Variants in CDKAL1 observed in about 807,000 individuals in gnomAD.
CDKAL1 encodes threonylcarbamoyladenosine tRNA methylthiotransferase.
Under a neutral mutation model 68.2 loss-of-function variants are expected in CDKAL1, and 32 were observed. The observed-to-expected ratio is 0.47, with a 90% confidence interval of 0.35 to 0.63. The LOEUF is 0.63. Ranked by LOEUF, CDKAL1 falls within the 30% of genes least tolerant of loss-of-function variation. The probability of loss-of-function intolerance (pLI) is 0.00; values close to 1 mark genes in which losing one functional copy is unlikely to be tolerated. For missense variants in CDKAL1, 606 were observed against 696.7 expected, an observed-to-expected ratio of 0.87 and a Z score of 1.47; for synonymous variants, 234 against 244.3, an observed-to-expected ratio of 0.96 and a Z score of 0.39.
At chr6:21,001,763 C>CT (rs1767438564) in intron 11 of CDKAL1, among the ~76,000 whole-genome samples, 1 of 152,146 alleles carries the variant, frequency 6.6e-6, no homozygotes, top group South Asian at 2.1e-4. Context: ...TAAAAGAGTT[C>CT]TTTTGGGCAC....
intron 3 of CDKAL1, among the ~76,000 whole-genome samples, chr6:20,547,828 T>A (rs1763663804): frequency 6.6e-6 from 1 of 152,176 alleles, no homozygotes; most frequent in East Asian, 1.9e-4. Context: ...TGCTTTAGGA[T>A]GACGGTTTTT....
intron 15 of CDKAL1, among the ~76,000 whole-genome samples, chr6:21,221,971 A>G (rs924234321): frequency 1.3e-5 from 2 of 152,186 alleles, no homozygotes; most frequent in Admixed American, 1.3e-4. Context: ...CAGGTTGGGC[A>G]TTCTGAAAGA....
At chr6:20,614,235 A>G (rs1766781996) in intron 4 of CDKAL1, among the ~76,000 whole-genome samples, 1 of 152,138 alleles carries the variant, frequency 6.6e-6, no homozygotes, top group Non-Finnish European at 1.5e-5. Flanking sequence ...TGCTCTTGCC[A>G]TGAAGAAAAT....
chr6:20,984,084 C>A (rs892861534), intron 10 of CDKAL1, among the ~76,000 whole-genome samples: 1 of 152,164 alleles, frequency 6.6e-6, no homozygotes, highest in Admixed American at 6.5e-5. Flanking sequence ...ACGTTTTTTT[C>A]TGAAGTCTAA....
chr6:20,862,957 C>G (rs1196156439), intron 9 of CDKAL1, among the ~76,000 whole-genome samples: 1 of 152,132 alleles, frequency 6.6e-6, no homozygotes, highest in Non-Finnish European at 1.5e-5. Context: ...AACCCGGAGG[C>G]AGAGGTTGCA....
chr6:20,582,844 G>T (rs940659851), intron 4 of CDKAL1, among the ~76,000 whole-genome samples: 1 of 152,060 alleles, frequency 6.6e-6, no homozygotes, highest in Non-Finnish European at 1.5e-5. Flanking sequence ...AAATCTCATC[G>T]CAGCTTTTAC....
chr6:20,562,421 A>C (rs1232045115), intron 4 of CDKAL1, among the ~76,000 whole-genome samples: 3 of 152,098 alleles, frequency 2.0e-5, no homozygotes, highest in Non-Finnish European at 4.4e-5. Flanking sequence ...AAGATGAAAA[A>C]AGGAGAGCCT....
At chr6:20,832,473 A>T (rs1477811573) in intron 8 of CDKAL1, among the ~76,000 whole-genome samples, 9 of 140,556 alleles carry the variant, frequency 6.4e-5, no homozygotes, top group African/African-American at 1.6e-4. Context: ...GTCTCTAATT[A>T]AAAAAAAAAA....
chr6:21,069,991 C>A (rs1022168141), intron 12 of CDKAL1, among the ~76,000 whole-genome samples: 1 of 151,690 alleles, frequency 6.6e-6, no homozygotes, highest in Non-Finnish European at 1.5e-5. Context: ...GAGGTTTCAC[C>A]GTGTTAACCA....
chr6:20,693,765 G>A lies in CDKAL1; in HGVS notation c.371+44388G>A, dbSNP rs113353330. On this transcript the variant is annotated intron_variant, in intron 5 of 15. Coordinates refer to ENST00000274695, the MANE Select transcript of CDKAL1 (RefSeq NM_017774.3). ...AATACTAAAAGCTTTCATAAGACCT[G>A]GTTAAACTTGACCTTGAGATTGCTT... Among the ~76,000 whole-genome samples the A allele has an allele frequency of 5.7e-3, 873 of 152,154 alleles. 7 individuals are homozygous for A. Among genetic ancestry groups the A allele is most frequent in the Non-Finnish European group, 9.1e-3 (617 of 68,002 alleles).
chr6:21,073,658 T>G (rs1771914091), intron 12 of CDKAL1, among the ~76,000 whole-genome samples: 1 of 152,206 alleles, frequency 6.6e-6, no homozygotes, highest in Admixed American at 6.5e-5. Context: ...TTTGGTGAGG[T>G]GTCTGTTCAG....
At position 21,108,379 on chromosome 6, in the gene CDKAL1, TTTTTTTTG is replaced by T; in HGVS notation, c.1237-14_1237-7del. ...CAATTGTTTGTATGTTGGTTTTTTG[TTTTTTTTG>T]TTTTTTTTCACAGAAAAAGCAAAGG... On this transcript the variant is annotated splice_polypyrimidine_tract_variant and intron_variant, in intron 12 of 15. Coordinates refer to ENST00000274695, the MANE Select transcript of CDKAL1 (RefSeq NM_017774.3). 6.4e-7 allele frequency: 1 copy of T among 1,571,796 alleles called. No individual in the cohort carries two copies. Among genetic ancestry groups the T allele is most frequent in the Non-Finnish European group, 8.7e-7 (1 of 1,150,220 alleles).
chr6:21,225,176 C>A (rs927422075), intron 15 of CDKAL1, among the ~76,000 whole-genome samples: 14 of 152,128 alleles, frequency 9.2e-5, no homozygotes, highest in African/African-American at 3.4e-4. Flanking sequence ...GCTGACAAGA[C>A]GAGCAGGCCC....
chr6:20,975,190 A>G (rs1023011160), intron 10 of CDKAL1, among the ~76,000 whole-genome samples: 6 of 152,162 alleles, frequency 3.9e-5, no homozygotes, highest in African/African-American at 1.4e-4. Context: ...CCGGCTAACT[A>G]CGAACCCACT....
intron 9 of CDKAL1, among the ~76,000 whole-genome samples, chr6:20,907,252 G>A (rs1424122862): frequency 2.0e-5 from 3 of 151,998 alleles, no homozygotes; most frequent in Non-Finnish European, 2.9e-5. Context: ...GCGAAACCAC[G>A]TCTCTATAAA....
At chr6:21,155,846 G>C (rs1055797615) in intron 13 of CDKAL1, among the ~76,000 whole-genome samples, 1 of 152,124 alleles carries the variant, frequency 6.6e-6, no homozygotes. Context: ...AAGGGACAGG[G>C]ACGGATCTGA....
intron 3 of CDKAL1, among the ~76,000 whole-genome samples, chr6:20,548,281 TC>T: frequency 6.6e-6 from 1 of 152,164 alleles, no homozygotes; most frequent in African/African-American, 2.4e-5. Flanking sequence ...TGCCTGTAAT[TC>T]CAGCACTTTG....
At position 20,716,899 on chromosome 6, in the gene CDKAL1, C is replaced by CT. The variant is rs531310681; in HGVS notation, c.372-22619dup. On this transcript the variant is annotated intron_variant, in intron 5 of 15. Transcript: ENST00000274695. The stretch of plus-strand genomic sequence containing the variant: ...AAGGCAGAGAAGAGAGAACCAAGGA[C>CT]TAAGAATGTGCTCAGGAGGTTGAGG... Among the ~76,000 whole-genome samples, 6 of 152,130 alleles carry CT rather than the reference C, an allele frequency of 3.9e-5. No homozygotes were observed. In the East Asian group the frequency reaches 1.2e-3, roughly 29 times the overall value.
chr6:20,904,262 A>T (rs1474652449), intron 9 of CDKAL1, among the ~76,000 whole-genome samples: 1 of 152,176 alleles, frequency 6.6e-6, no homozygotes, highest in East Asian at 1.9e-4. Flanking sequence ...AGGGCTGGGC[A>T]TGGTGGCTCA....
Sources: allele counts gnomAD v4.1 joint callset (sites outside exome capture counted in the v4.1 genomes callset), GRCh38; gene constraint gnomAD v4.1.1; transcripts MANE v1.5; gene names NCBI Gene and HGNC (gene_info 2026-07-23, HGNC 2026-07-21).